The following MYRIP variants were observed in gnomAD, a reference collection of about 807,000 sequenced individuals.
MYRIP encodes the protein rab effector MyRIP.
A neutral mutation model predicts 98.0 loss-of-function variants in MYRIP; 49 were observed. The ratio of observed to expected loss-of-function variants is 0.50; its 90% CI spans 0.40 to 0.63. The LOEUF (loss-of-function observed/expected upper bound fraction) is 0.63. Among genes scored for constraint, MYRIP ranks in the 30% least tolerant of loss-of-function variants. The pLI is 0.00. For synonymous variants in MYRIP, 404 were observed against 409.5 expected, an observed-to-expected ratio of 0.99 and a Z score of 0.16; for missense variants, 1,004 against 1,058.2, an observed-to-expected ratio of 0.95 and a Z score of 0.71.
At chr3:40,205,557 T>G (rs1462856992) in intron 10 of MYRIP, among the ~76,000 whole-genome samples, 1 of 152,170 alleles carries the variant, frequency 6.6e-6, no homozygotes, top group Non-Finnish European at 1.5e-5. Context: ...ACTCTGATTT[T>G]CAGATTACTT....
chr3:40,007,282 C>T (rs1314392737), intron 2 of MYRIP, among the ~76,000 whole-genome samples: 1 of 151,910 alleles, frequency 6.6e-6, no homozygotes, highest in Non-Finnish European at 1.5e-5. Context: ...TGGCCATCAT[C>T]ATTCTCCTGT....
At chr3:39,975,793 T>G (rs1174861879) in intron 2 of MYRIP, among the ~76,000 whole-genome samples, 1 of 152,114 alleles carries the variant, frequency 6.6e-6, no homozygotes, top group East Asian at 1.9e-4. Context: ...AAACAAGCAA[T>G]GGGGAAAGGA....
At chr3:40,060,708 C>T (rs1947994863) in intron 3 of MYRIP, among the ~76,000 whole-genome samples, 1 of 151,950 alleles carries the variant, frequency 6.6e-6, no homozygotes, top group Admixed American at 6.6e-5. Flanking sequence ...AATCTTGCCT[C>T]AGCCTCCCTA....
chr3:40,097,361 C>G (rs1189014172), intron 3 of MYRIP, among the ~76,000 whole-genome samples: 1 of 152,150 alleles, frequency 6.6e-6, no homozygotes, highest in African/African-American at 2.4e-5. Context: ...CATTCTTATC[C>G]TCTGACCTAT....
At chr3:39,960,791 T>G (rs1280689249) in intron 2 of MYRIP, among the ~76,000 whole-genome samples, 1 of 152,180 alleles carries the variant, frequency 6.6e-6, no homozygotes, top group Non-Finnish European at 1.5e-5. Flanking sequence ...TTTCCTTAAA[T>G]GTGAGCTTAC....
intron 11 of MYRIP, among the ~76,000 whole-genome samples, chr3:40,214,796 C>A (rs1952068787): frequency 6.6e-6 from 1 of 152,156 alleles, no homozygotes; most frequent in Non-Finnish European, 1.5e-5. Flanking sequence ...AAAGTCCTGG[C>A]TAAAGTGGTT....
chr3:40,029,537 T>C (rs1947212588), intron 2 of MYRIP, among the ~76,000 whole-genome samples: 1 of 152,070 alleles, frequency 6.6e-6, no homozygotes, highest in South Asian at 2.1e-4. Flanking sequence ...TATTGTTAAG[T>C]AAAAAAAGAA....
At chr3:40,091,628 T>C (rs909282506) in intron 3 of MYRIP, among the ~76,000 whole-genome samples, 1 of 152,222 alleles carries the variant, frequency 6.6e-6, no homozygotes, top group African/African-American at 2.4e-5. Flanking sequence ...ACTTGCTGAG[T>C]ATATTCTTAG....
intron 1 of MYRIP, among the ~76,000 whole-genome samples, chr3:39,885,309 T>A (rs1368690139): frequency 1.3e-5 from 2 of 152,074 alleles, no homozygotes; most frequent in Non-Finnish European, 2.9e-5. Context: ...GAAAAGACAA[T>A]TTTTGAATAT....
chr3:40,141,657 G>A (rs900549119), intron 3 of MYRIP, among the ~76,000 whole-genome samples: 2 of 152,112 alleles, frequency 1.3e-5, no homozygotes, highest in African/African-American at 4.8e-5. Context: ...TCATAATTCT[G>A]TATATAGATA....
intron 2 of MYRIP, 60 bp from the exon 3 acceptor site, chr3:40,043,990 C>A (rs1014323389): frequency 8.6e-6 from 13 of 1,519,004 alleles, no homozygotes; most frequent in South Asian, 3.7e-5. Context: ...TGGGGAGACA[C>A]CCCCTGACCT....
intron 2 of MYRIP, among the ~76,000 whole-genome samples, chr3:39,990,416 G>A (rs1946145667): frequency 6.6e-6 from 1 of 152,168 alleles, no homozygotes; most frequent in Admixed American, 6.5e-5. Context: ...ACTGCTTCTA[G>A]TCAGCCATCT....
chr3:39,839,684 C>G (rs1348479907), intron 1 of MYRIP, among the ~76,000 whole-genome samples: 1 of 152,114 alleles, frequency 6.6e-6, no homozygotes, highest in African/African-American at 2.4e-5. Flanking sequence ...TACATTGTGT[C>G]TTTGTTCTCA....
chr3:39,878,059 C>G (rs1180396980), intron 1 of MYRIP, among the ~76,000 whole-genome samples: 1 of 152,262 alleles, frequency 6.6e-6, no homozygotes, highest in Admixed American at 6.5e-5. Context: ...GCAGGCGCCC[C>G]TCCCCCAGCC....
intron 1 of MYRIP, among the ~76,000 whole-genome samples, chr3:39,846,097 A>G (rs1196354747): frequency 2.6e-5 from 4 of 152,182 alleles, no homozygotes; most frequent in Admixed American, 1.3e-4. Flanking sequence ...TTAAAATGAC[A>G]ACATGGATGG....
At chr3:39,873,535 C>A (rs375770367) in intron 1 of MYRIP, among the ~76,000 whole-genome samples, 1 of 152,148 alleles carries the variant, frequency 6.6e-6, no homozygotes, top group African/African-American at 2.4e-5. Context: ...AGGAAGGGAT[C>A]CAGTTTCAGC....
chr3:39,855,059 T>C (rs1446186676), intron 1 of MYRIP, among the ~76,000 whole-genome samples: 4 of 152,226 alleles, frequency 2.6e-5, no homozygotes, highest in East Asian at 1.9e-4. Context: ...GGAAGTGAAG[T>C]AGACTTCATG....
At chr3:39,979,446 C>T (rs527777191) in intron 2 of MYRIP, among the ~76,000 whole-genome samples, 1 of 152,098 alleles carries the variant, frequency 6.6e-6, no homozygotes, top group South Asian at 2.1e-4. Context: ...TGAGACCAGC[C>T]TGACCAACAT....
intron 2 of MYRIP, among the ~76,000 whole-genome samples, chr3:39,932,241 G>C (rs533431889): frequency 1.3e-5 from 2 of 152,272 alleles, no homozygotes; most frequent in Admixed American, 1.3e-4. Context: ...AGAGCAGTAG[G>C]ATCCTGTATA....
Sources: allele counts gnomAD v4.1 joint callset (sites outside exome capture counted in the v4.1 genomes callset), GRCh38; gene constraint gnomAD v4.1.1; transcripts MANE v1.5; gene names NCBI Gene and HGNC (gene_info 2026-07-23, HGNC 2026-07-21).